Variants in AFG2A observed in about 807,000 individuals in gnomAD.
AFG2A encodes the protein ATPase family gene 2 protein homolog A.
chr4:122,950,373 C>A, the AFG2A span, among the ~76,000 whole-genome samples: 2 of 146,236 alleles, frequency 1.4e-5, no homozygotes. Flanking sequence ...GAGTTTCGCT[C>A]TTGTTGCCCA....
the AFG2A span, among the ~76,000 whole-genome samples, chr4:123,181,658 T>G: frequency 1.3e-5 from 2 of 152,054 alleles, no homozygotes; most frequent in African/African-American, 4.8e-5. Context: ...TAGAAATGAT[T>G]CCAAGCTAAA....
At chr4:123,018,446 AGT>A in the AFG2A span, among the ~76,000 whole-genome samples, 3 of 152,224 alleles carry the variant, frequency 2.0e-5, no homozygotes, top group African/African-American at 7.2e-5. Flanking sequence ...TTAAGCATAA[AGT>A]ACTATTTGTT....
At chr4:123,248,207 A>G in the AFG2A span, among the ~76,000 whole-genome samples, 1 of 152,314 alleles carries the variant, frequency 6.6e-6, no homozygotes, top group East Asian at 1.9e-4. Flanking sequence ...ATGCTTACCC[A>G]GACTGAAGTA....
chr4:123,132,487 T>TTGTGTGTGTG, the AFG2A span, among the ~76,000 whole-genome samples: 6 of 149,258 alleles, frequency 4.0e-5, no homozygotes, highest in African/African-American at 1.5e-4. Flanking sequence ...TGAATTATAT[T>TTGTGTGTGTG]TGTGTGTGTG....
chr4:123,057,810 TACAC>T, the AFG2A span, among the ~76,000 whole-genome samples: 4 of 151,416 alleles, frequency 2.6e-5, no homozygotes, highest in Non-Finnish European at 5.9e-5. Flanking sequence ...AACAAATATA[TACAC>T]ACACACACAC....
chr4:123,028,288 A>G, the AFG2A span: 5 of 1,614,186 alleles, frequency 3.1e-6, no homozygotes, highest in South Asian at 2.2e-5. Flanking sequence ...TCGAATGGGT[A>G]TTCAGCCACC....
the AFG2A span, among the ~76,000 whole-genome samples, chr4:123,182,116 C>G: frequency 6.6e-6 from 1 of 152,074 alleles, no homozygotes; most frequent in Admixed American, 6.6e-5. Flanking sequence ...TCTTAAAATT[C>G]TTTAATTATT....
the AFG2A span, among the ~76,000 whole-genome samples, chr4:123,028,787 C>T: frequency 6.6e-6 from 1 of 152,060 alleles, no homozygotes; most frequent in African/African-American, 2.4e-5. Context: ...ATGAACAAGA[C>T]ACTTGTTATG....
At chr4:123,248,621 T>A in the AFG2A span, among the ~76,000 whole-genome samples, 2 of 152,158 alleles carry the variant, frequency 1.3e-5, no homozygotes, top group Non-Finnish European at 2.9e-5. Flanking sequence ...TTCTATCTAT[T>A]AGGAAAGGGT....
At chr4:123,262,083 A>T in the AFG2A span, among the ~76,000 whole-genome samples, 137,321 of 152,210 alleles carry the variant, frequency 0.9, 62,429 homozygotes, top group African/African-American at 0.98. Context: ...GCCTCTGTAG[A>T]TATTTTAATA....
the AFG2A span, among the ~76,000 whole-genome samples, chr4:123,043,618 A>T: frequency 6.6e-6 from 1 of 152,236 alleles, no homozygotes; most frequent in African/African-American, 2.4e-5. Context: ...GAAATTAATC[A>T]TATCAGTGTT....
At chr4:123,119,429 G>A in the AFG2A span, among the ~76,000 whole-genome samples, 3,258 of 152,154 alleles carry the variant, frequency 0.021, 110 homozygotes, top group African/African-American at 0.074. Context: ...TATCAGCCAG[G>A]ATATTTAACC....
the AFG2A span, among the ~76,000 whole-genome samples, chr4:123,311,997 G>A: frequency 1.3e-5 from 2 of 152,112 alleles, no homozygotes; most frequent in East Asian, 1.9e-4. Context: ...CAGCCTTTTG[G>A]TTACCTCTTT....
At chr4:123,081,482 C>G in the AFG2A span, among the ~76,000 whole-genome samples, 1 of 152,178 alleles carries the variant, frequency 6.6e-6, no homozygotes, top group Non-Finnish European at 1.5e-5. Context: ...TTCCTTTTAG[C>G]ACAGAATAAT....
chr4:123,158,859 A>G, the AFG2A span, among the ~76,000 whole-genome samples: 1 of 152,218 alleles, frequency 6.6e-6, no homozygotes. Flanking sequence ...CTCAAAGTTC[A>G]AATTCAGCTG....
the AFG2A span, among the ~76,000 whole-genome samples, chr4:122,982,261 T>TTTTATGA: frequency 6.6e-6 from 1 of 152,204 alleles, no homozygotes; most frequent in Non-Finnish European, 1.5e-5. Context: ...GATTTTATGA[T>TTTTATGA]TTTTATTCTT....
chr4:123,000,365 G>T, the AFG2A span, among the ~76,000 whole-genome samples: 5 of 151,180 alleles, frequency 3.3e-5, no homozygotes, highest in South Asian at 2.1e-4. Flanking sequence ...GTGAGAGAGG[G>T]CATCCCTGTC....
chr4:123,043,217 A>G, the AFG2A span, among the ~76,000 whole-genome samples: 1 of 152,196 alleles, frequency 6.6e-6, no homozygotes, highest in East Asian at 1.9e-4. Flanking sequence ...TTCTGATAAG[A>G]AGTCAGCAGT....
At chr4:122,999,778 C>T in the AFG2A span, among the ~76,000 whole-genome samples, 1 of 152,150 alleles carries the variant, frequency 6.6e-6, no homozygotes, top group Admixed American at 6.6e-5. Flanking sequence ...TTAGGATTGA[C>T]TTGGCGATGC....
Sources: gnomAD v4.1 joint callset for allele counts (sites outside exome capture counted in the v4.1 genomes callset) on GRCh38, gnomAD v4.1.1 for gene constraint, MANE v1.5 for transcripts, NCBI Gene and HGNC (gene_info 2026-07-23, HGNC 2026-07-21) for gene names.